Variants in FAM83A observed in about 807,000 individuals in gnomAD.
FAM83A encodes scaffolding CK1 anchoring protein A, also known as protein FAM83A.
In FAM83A, 21 loss-of-function variants were observed where a neutral mutation model predicts 24.4. That is an observed-to-expected ratio of 0.86 (90% CI 0.61 to 1.24). FAM83A has a LOEUF of 1.24. Among genes scored for constraint, FAM83A ranks in the 50% most tolerant of loss-of-function variants. The pLI is 0.00. For missense variants in FAM83A, 617 were observed against 579.8 expected (o/e 1.06, Z -0.66); for synonymous variants, 270 against 252.4 (o/e 1.07, Z -0.66).
chr8:123,198,289 C>G (rs1824229530), intron 3 of FAM83A, among the ~76,000 whole-genome samples: 1 of 152,114 alleles, frequency 6.6e-6, no homozygotes, highest in Non-Finnish European at 1.5e-5. Context: ...TACGCCCTCC[C>G]AGGACCCACT....
At position 123,185,813 on chromosome 8, in the gene FAM83A, C is replaced by T. The variant is rs890707868; in HGVS notation, c.480+2477C>T. On this transcript the variant is annotated intron_variant, in intron 1 of 3. Transcript: ENST00000690554. The stretch of plus-strand genomic sequence containing the variant: ...TCACAGTTTTAATTTCATTTTGAGA[C>T]GGAGTCTCACTCTGTCGCCCAGGCT... Among the ~76,000 whole-genome samples, 11 of 152,294 alleles carry T rather than the reference C, an allele frequency of 7.2e-5. No individual in the cohort carries two copies. In the East Asian group the frequency reaches 7.7e-4, roughly 11 times the overall value.
chr8:123,200,984 T>TATATATATATATATATATAC (rs1161481991), intron 3 of FAM83A, among the ~76,000 whole-genome samples: 1 of 146,628 alleles, frequency 6.8e-6, no homozygotes, highest in African/African-American at 2.5e-5. Context: ...TATATATATA[T>TATATATATATATATATATAC]ACACATATAT....
exon 4 of FAM83A, chr8:123,208,121 C>T (rs1412121910): frequency 2.0e-6 from 2 of 1,001,228 alleles, no homozygotes; most frequent in Non-Finnish European, 2.4e-6. Context: ...CAGGAATGGT[C>T]CACTCCCAAG....
chr8:123,193,855 C>T (rs1824056742), intron 2 of FAM83A, among the ~76,000 whole-genome samples, 169 bp from the exon 3 acceptor site: 1 of 152,236 alleles, frequency 6.6e-6, no homozygotes, highest in South Asian at 2.1e-4. Flanking sequence ...AGCACTCCAT[C>T]TTCATGACCT....
chr8:123,195,904 AAC>A (rs1407189436), intron 3 of FAM83A, among the ~76,000 whole-genome samples: 15 of 152,382 alleles, frequency 9.8e-5, no homozygotes, highest in African/African-American at 2.2e-4. Flanking sequence ...ATGAATCTGG[AAC>A]AGAAACAGAC....
chr8:123,187,012 G>A (rs1823822711), intron 1 of FAM83A, among the ~76,000 whole-genome samples: 1 of 152,160 alleles, frequency 6.6e-6, no homozygotes, highest in Admixed American at 6.5e-5. Flanking sequence ...GTGCCTGGAA[G>A]TGGAGGAAGG....
At chr8:123,200,445 C>T (rs1284550864) in intron 3 of FAM83A, among the ~76,000 whole-genome samples, 1 of 152,192 alleles carries the variant, frequency 6.6e-6, no homozygotes, top group Non-Finnish European at 1.5e-5. Flanking sequence ...GCTGGGGGGC[C>T]CTCGCCCTGG....
chr8:123,208,563 T>C, exon 4 of FAM83A: 1 of 985,562 alleles, frequency 1.0e-6, no homozygotes, highest in Non-Finnish European at 1.2e-6. Context: ...GGTCACCTCC[T>C]GAGGAATAAA....
At chr8:123,183,393 G>A in intron 1 of FAM83A, 57 bp downstream of exon 1, 1 of 1,562,296 alleles carries the variant, frequency 6.4e-7, no homozygotes, top group Non-Finnish European at 8.7e-7. Context: ...ATCGGGGGCT[G>A]ATAGAGCAGG....
chr8:123,207,355 C>T, exon 4 of FAM83A: 1 of 1,611,486 alleles, frequency 6.2e-7, no homozygotes, highest in Non-Finnish European at 8.5e-7. Flanking sequence ...GCAGCAGTGG[C>T]TCCGCCAGTG....
exon 4 of FAM83A, chr8:123,207,252 A>T (rs199931629): frequency 1.9e-6 from 3 of 1,612,022 alleles, no homozygotes; most frequent in Non-Finnish European, 2.5e-6. Flanking sequence ...CGCCACCTCT[A>T]CGCCTCCTCC....
At chr8:123,193,784 A>G (rs1319627937) in intron 2 of FAM83A, among the ~76,000 whole-genome samples, 1 of 152,220 alleles carries the variant, frequency 6.6e-6, no homozygotes, top group African/African-American at 2.4e-5. Flanking sequence ...GTGTCCTCAC[A>G]TGGCAGAAGG....
rs763715707 is a variant in FAM83A, at chr8:123,182,863, C to T, written c.7C>T (p.Arg3Trp). Residue 3 changes from arginine to tryptophan, a missense_variant, in exon 1 of 4, where the codon CGG (arginine) becomes TGG (tryptophan). Coordinates refer to ENST00000690554, the Ensembl canonical transcript of FAM83A. Reference sequence around the variant, plus strand: ...CCACCCAGGGACGGGAGGCATGAGCCGGTCAAGGCACCTGGGCAAAATCCG... The same window carrying T: ...CCACCCAGGGACGGGAGGCATGAGCTGGTCAAGGCACCTGGGCAAAATCCG... 28 of 1,520,596 alleles carry T rather than the reference C, an allele frequency of 1.8e-5. No individual in the cohort carries two copies. The highest frequency in any genetic ancestry group is 4.4e-5 in the Admixed American group (2 of 45,728). The allele number at this position is 1,520,596 out of a possible 1,614,324, so 94.2% of individuals were successfully genotyped here. A position where few individuals can be genotyped will look rare whatever the true frequency, so the allele number is the denominator to read the frequency against.
rs1421677853 is a variant in FAM83A, at chr8:123,185,957, A to G, written c.480+2621A>G. Among the ~76,000 whole-genome samples the G allele has an allele frequency of 2.0e-5, 3 of 152,004 alleles. No homozygotes were observed. In the East Asian group the frequency reaches 5.8e-4, roughly 29 times the overall value. ...AGGTACCTGCCACCGCACCAGGCTA[A>G]TTTTTGTATTTTTAGTAGAGATGGG... On this transcript the variant is annotated intron_variant, in intron 1 of 3. Coordinates refer to ENST00000690554, the Ensembl canonical transcript of FAM83A.
At chr8:123,207,458 G>A in exon 4 of FAM83A, 1 of 1,593,756 alleles carries the variant, frequency 6.3e-7, no homozygotes, top group Non-Finnish European at 8.5e-7. Flanking sequence ...CTGTAGCCCC[G>A]CGGCCCCACA....
chr8:123,180,268 G>C (rs889867159), upstream of FAM83A: 6 of 151,616 alleles, frequency 4.0e-5, no homozygotes, highest in African/African-American at 1.5e-4. Flanking sequence ...ACAGGCAATG[G>C]GGAGCCATTG....
At chr8:123,207,306 T>C in exon 4 of FAM83A, 4 of 1,610,646 alleles carry the variant, frequency 2.5e-6, no homozygotes, top group Non-Finnish European at 3.4e-6. Context: ...GTCGCCCCCG[T>C]CCCGCCCGGA....
At chr8:123,200,229 G>C (rs139479600) in intron 3 of FAM83A, among the ~76,000 whole-genome samples, 2 of 152,306 alleles carry the variant, frequency 1.3e-5, no homozygotes, top group South Asian at 2.1e-4. Context: ...CATTACAGTA[G>C]GGAGGTTCTG....
chr8:123,201,596 A>G (rs1267878549), intron 3 of FAM83A: 2 of 151,926 alleles, frequency 1.3e-5, no homozygotes, highest in Non-Finnish European at 2.9e-5. Flanking sequence ...ACAAACAAAG[A>G]AAAAAAACCA....
Sources: gnomAD v4.1 joint callset for allele counts (sites outside exome capture counted in the v4.1 genomes callset) on GRCh38, gnomAD v4.1.1 for gene constraint, MANE v1.5 for transcripts, NCBI Gene and HGNC (gene_info 2026-07-23, HGNC 2026-07-21) for gene names.